The following PRKG1 variants were observed in gnomAD, a reference collection of about 807,000 sequenced individuals.
The protein encoded by PRKG1 is protein kinase cGMP-dependent 1.
In PRKG1, 35 loss-of-function variants were observed where a neutral mutation model predicts 88.1. The ratio of observed to expected loss-of-function variants is 0.40; its 90% CI spans 0.30 to 0.53. PRKG1 has a LOEUF of 0.53. PRKG1 is among the 20% of genes least tolerant of loss of function. The probability of loss-of-function intolerance (pLI) is 0.59; values close to 1 mark genes in which losing one functional copy is unlikely to be tolerated. For missense variants in PRKG1, 540 were observed against 839.8 expected (o/e 0.64, Z 4.41); for synonymous variants, 303 against 292.5 (o/e 1.04, Z -0.37).
intron 7 of PRKG1, among the ~76,000 whole-genome samples, chr10:52,125,557 A>T (rs1847912217): frequency 6.6e-6 from 1 of 152,182 alleles, no homozygotes; most frequent in South Asian, 2.1e-4. Context: ...AGATGATCAT[A>T]TGGAACCCGA....
chr10:51,272,114 C>CA (rs1477763827), intron 2 of PRKG1, among the ~76,000 whole-genome samples: 3 of 152,220 alleles, frequency 2.0e-5, no homozygotes, highest in Admixed American at 1.3e-4. Context: ...TCCATTCTAA[C>CA]TGGTGTGAAA....
At chr10:51,304,555 C>T (rs1018575487) in intron 2 of PRKG1, among the ~76,000 whole-genome samples, 1 of 151,062 alleles carries the variant, frequency 6.6e-6, no homozygotes, top group African/African-American at 2.4e-5. Context: ...CATATGTATA[C>T]ATGTGCCATG....
At chr10:51,161,697 T>C (rs1178728388) in intron 2 of PRKG1, among the ~76,000 whole-genome samples, 1 of 152,240 alleles carries the variant, frequency 6.6e-6, no homozygotes, top group Non-Finnish European at 1.5e-5. Context: ...CATCTTATTC[T>C]TACTTCAAGC....
rs369546537 is a variant in PRKG1 at position 51,698,062 on chromosome 10, T to C, written c.593-106523T>C. 5.0e-6 allele frequency: 8 copies of C among 1,614,094 alleles called. No individual in the cohort carries two copies. In the African/African-American group the frequency reaches 9.3e-5, roughly 19 times the overall value. On this transcript the variant is annotated intron_variant, in intron 3 of 17. Coordinates refer to ENST00000373980, the MANE Select transcript of PRKG1 (RefSeq NM_006258.4). ...CAGGATTCCCCACCCCTGAAATGCCTGGGACCTGTCTGGGTCCCTGAGGAG... is the reference window on the plus strand; with the variant it reads ...CAGGATTCCCCACCCCTGAAATGCCCGGGACCTGTCTGGGTCCCTGAGGAG...
chr10:52,125,452 T>A (rs1847909964), intron 7 of PRKG1, among the ~76,000 whole-genome samples: 1 of 152,202 alleles, frequency 6.6e-6, no homozygotes. Flanking sequence ...ATTAGTTATC[T>A]GATTGCATGC....
chr10:51,514,990 G>A (rs1463234174), intron 3 of PRKG1, among the ~76,000 whole-genome samples: 1 of 152,142 alleles, frequency 6.6e-6, no homozygotes. Flanking sequence ...CTACCCAACA[G>A]ATGTCAGTAG....
chr10:51,502,309 C>T (rs1841052057), intron 3 of PRKG1, among the ~76,000 whole-genome samples: 1 of 152,092 alleles, frequency 6.6e-6, no homozygotes, highest in Non-Finnish European at 1.5e-5. Context: ...TGGTGTCACT[C>T]AACTGCCTTT....
intron 2 of PRKG1, among the ~76,000 whole-genome samples, chr10:51,281,778 A>G (rs1283511444): frequency 1.3e-5 from 2 of 151,876 alleles, no homozygotes; most frequent in East Asian, 1.9e-4. Flanking sequence ...CAGAAATGTT[A>G]TGGACCAGAT....
At chr10:51,914,641 T>C (rs1388719746) in intron 5 of PRKG1, among the ~76,000 whole-genome samples, 2 of 152,186 alleles carry the variant, frequency 1.3e-5, no homozygotes, top group African/African-American at 4.8e-5. Context: ...CTTTAAAACA[T>C]TTGATTAGAT....
At chr10:52,238,671 A>G (rs1191113277) in intron 9 of PRKG1, among the ~76,000 whole-genome samples, 1 of 148,858 alleles carries the variant, frequency 6.7e-6, no homozygotes, top group Non-Finnish European at 1.5e-5. Context: ...TCAGGAAACA[A>G]CAGGTGCTGG....
In PRKG1 at chr10:52,282,027, A is replaced by G. The variant is rs945384234; in HGVS notation, c.1546-126A>G. The G allele has an allele frequency of 1.7e-5, 17 of 1,026,750 alleles. No homozygotes were observed. In the African/African-American group the frequency reaches 1.9e-4, roughly 12 times the overall value. The allele number at this position is 1,026,750 out of a possible 1,614,324, so 63.6% of individuals were successfully genotyped here. ...TTGCAATATAGACTATTCTTTTTGG[A>G]AGACAGAACTATAAAAACATACATG... On this transcript the variant is annotated intron_variant, in intron 13 of 17. Coordinates refer to ENST00000373980, the MANE Select transcript of PRKG1 (RefSeq NM_006258.4).
chr10:51,861,014 C>T (rs552594168), intron 4 of PRKG1, among the ~76,000 whole-genome samples: 1 of 152,266 alleles, frequency 6.6e-6, no homozygotes, highest in Non-Finnish European at 1.5e-5. Flanking sequence ...GTTGGGTACT[C>T]ACTACATGCC....
rs374989742 is a variant in PRKG1 at position 52,105,643 on chromosome 10, G to A, written c.936-28197G>A. On this transcript the variant is annotated intron_variant, in intron 7 of 17. Coordinates refer to ENST00000373980, the MANE Select transcript of PRKG1 (RefSeq NM_006258.4). The stretch of plus-strand genomic sequence containing the variant: ...TTTTTAGTTTTTTTTAAACTTTTAA[G>A]TTCAGGGGTACAAGTGCAGGTTCGT... Among the ~76,000 whole-genome samples the A allele has an allele frequency of 1.8e-4, 28 of 151,858 alleles. No individual in the cohort carries two copies. The Middle Eastern group carries it at 0.014, about 74-fold the overall frequency.
chr10:52,121,530 G>A (rs1847819326), intron 7 of PRKG1, among the ~76,000 whole-genome samples: 1 of 152,166 alleles, frequency 6.6e-6, no homozygotes, highest in Non-Finnish European at 1.5e-5. Context: ...AAGAGGCCAT[G>A]TAGCATCTGG....
Position 51,013,052 on chromosome 10 carries a change from C to T in PRKG1, c.266+21408C>T, listed in dbSNP as rs80139900. Among the ~76,000 whole-genome samples the T allele has an allele frequency of 3.4e-3, 520 of 152,244 alleles. 1 individual carries two copies. Among genetic ancestry groups the T allele is most frequent in the African/African-American group, 0.012 (496 of 41,532 alleles). On this transcript the variant is annotated intron_variant, in intron 1 of 17. Transcript: ENST00000401604. ...GCAGTGGGTGACAGGAACGGTGGCA[C>T]GCAGTGAGTTTCCTGAAGTATAGAA...
At chr10:51,221,492 C>G (rs1412465767) in intron 2 of PRKG1, among the ~76,000 whole-genome samples, 1 of 151,874 alleles carries the variant, frequency 6.6e-6, no homozygotes, top group African/African-American at 2.4e-5. Flanking sequence ...TCTGATCAAA[C>G]AGTTAACACT....
chr10:51,440,461 C>T (rs1248026886), intron 2 of PRKG1, among the ~76,000 whole-genome samples: 1 of 151,782 alleles, frequency 6.6e-6, no homozygotes, highest in East Asian at 1.9e-4. Context: ...ATTCTTTTGT[C>T]TTGGGAACTA....
rs540917783 is a variant in PRKG1, at chr10:51,946,479, C to T, written c.762+38909C>T. Among the ~76,000 whole-genome samples, 5 of 152,214 alleles carry T rather than the reference C, an allele frequency of 3.3e-5. No individual in the cohort carries two copies. The South Asian group carries it at 6.2e-4, about 19-fold the overall frequency. The stretch of plus-strand genomic sequence containing the variant: ...TCAACTCGTCAAAGTCATTCTCTGT[C>T]CAGCTTTGTTCCGTTGCTGGTGAGG... On this transcript the variant is annotated intron_variant, in intron 5 of 17. Coordinates refer to ENST00000373980, the MANE Select transcript of PRKG1 (RefSeq NM_006258.4).
At chr10:51,613,658 C>T (rs982298527) in intron 3 of PRKG1, among the ~76,000 whole-genome samples, 2 of 151,640 alleles carry the variant, frequency 1.3e-5, no homozygotes, top group Admixed American at 1.3e-4. Context: ...AGTGGTTTTG[C>T]TGTGTCTCAC....
Sources: allele counts gnomAD v4.1 joint callset (sites outside exome capture counted in the v4.1 genomes callset), GRCh38; gene constraint gnomAD v4.1.1; transcripts MANE v1.5; gene names NCBI Gene and HGNC (gene_info 2026-07-23, HGNC 2026-07-21).